TMEM232: variants seen among roughly 807,000 people sequenced by gnomAD.
The protein encoded by TMEM232 is transmembrane protein 232.
TMEM232 carries 80 observed loss-of-function variants against 78.8 expected under a neutral mutation model. That is an observed-to-expected ratio of 1.01 (90% CI 0.85 to 1.22). TMEM232 has a LOEUF of 1.22. TMEM232 is among the 50% of genes most tolerant of loss of function. The probability of loss-of-function intolerance (pLI) is 0.00; values close to 1 mark genes in which losing one functional copy is unlikely to be tolerated. For synonymous variants in TMEM232, 297 were observed against 254.3 expected, an observed-to-expected ratio of 1.17 and a Z score of -1.60; for missense variants, 881 against 742.2, an observed-to-expected ratio of 1.19 and a Z score of -2.17.
intron 2 of TMEM232, among the ~76,000 whole-genome samples, chr5:110,404,552 G>A (rs1755717165): frequency 6.6e-6 from 1 of 151,936 alleles, no homozygotes; most frequent in African/African-American, 2.4e-5. Context: ...GAACTTTTAT[G>A]GAAAAGAATA....
intron 1 of TMEM232, among the ~76,000 whole-genome samples, chr5:110,672,701 A>G (rs944574827): frequency 2.0e-5 from 3 of 152,190 alleles, no homozygotes; most frequent in African/African-American, 7.2e-5. Flanking sequence ...AAACATAGAG[A>G]ATCTGAAAAT....
At chr5:110,430,979 T>G (rs1339270678) in intron 12 of TMEM232, among the ~76,000 whole-genome samples, 1 of 151,716 alleles carries the variant, frequency 6.6e-6, no homozygotes, top group Non-Finnish European at 1.5e-5. Flanking sequence ...TCCTTTTATT[T>G]TATGGATTGA....
chr5:110,516,492 C>G (rs921429607), intron 12 of TMEM232, among the ~76,000 whole-genome samples: 8 of 152,066 alleles, frequency 5.3e-5, no homozygotes, highest in Admixed American at 1.3e-4. Flanking sequence ...GATCGTTTTA[C>G]TGACAAATAG....
In TMEM232 at chr5:110,606,629, C is replaced by T. The variant is rs372343389; in HGVS notation, c.903-342G>A. Among the ~76,000 whole-genome samples, 22 of 152,092 alleles carry T rather than the reference C, an allele frequency of 1.4e-4. No homozygotes were observed. The South Asian group carries it at 4.4e-3, about 30-fold the overall frequency. ...CTCACAATAGGTTTTAATGTTTAAC[C>T]TCTTGCAACTGATTCCACAAGGTGA... is the stretch of plus-strand genomic sequence containing the variant. On this transcript the variant is annotated intron_variant, in intron 8 of 13. Transcript: ENST00000455884.
intron 2 of TMEM232, among the ~76,000 whole-genome samples, chr5:110,643,931 G>A (rs977347439): frequency 3.3e-5 from 5 of 151,776 alleles, no homozygotes; most frequent in African/African-American, 1.2e-4. Flanking sequence ...TTTTTAAATG[G>A]GCAGTTAAAT....
intron 3 of TMEM232, among the ~76,000 whole-genome samples, chr5:110,394,394 A>T (rs1206221830): frequency 6.6e-6 from 1 of 152,174 alleles, no homozygotes; most frequent in Non-Finnish European, 1.5e-5. Context: ...GGCTATTGTG[A>T]ATAGTGCTGC....
intron 12 of TMEM232, among the ~76,000 whole-genome samples, chr5:110,458,908 T>C (rs1761182323): frequency 6.6e-6 from 1 of 152,218 alleles, no homozygotes. Context: ...TTGCACTTAA[T>C]ATCCAACATT....
intron 7 of TMEM232, among the ~76,000 whole-genome samples, chr5:110,624,716 G>C (rs1404183910): frequency 1.3e-5 from 2 of 152,000 alleles, no homozygotes; most frequent in Non-Finnish European, 2.9e-5. Context: ...ACAAATAGAT[G>C]TGTTGGAATT....
At chr5:110,661,916 A>G (rs184287273) in intron 2 of TMEM232, among the ~76,000 whole-genome samples, 31 of 152,158 alleles carry the variant, frequency 2.0e-4, no homozygotes, top group African/African-American at 7.5e-4. Flanking sequence ...GAATTTTTTC[A>G]TATATCTGTT....
chr5:110,394,531 A>G (rs1755317926), intron 3 of TMEM232, among the ~76,000 whole-genome samples: 1 of 152,198 alleles, frequency 6.6e-6, no homozygotes, highest in African/African-American at 2.4e-5. Flanking sequence ...TAGTGGTTGT[A>G]CTAATTTCCA....
rs149571270 is a variant in TMEM232 at position 110,438,973 on chromosome 5, T to G, written c.1704-14057A>C. 2.0e-5 allele frequency among the ~76,000 whole-genome samples: 3 copies of G among 152,128 alleles called. No individual in the cohort carries two copies. The East Asian group carries it at 5.8e-4, about 29-fold the overall frequency. On this transcript the variant is annotated intron_variant, in intron 12 of 13. Coordinates refer to ENST00000455884, the MANE Select transcript of TMEM232 (RefSeq NM_001039763.4). ...CATCTTAAAGCAGGAGGTTAAAAAA[T>G]AGATAATTTTCTGGGCACATAAATA...
chr5:110,392,442 G>T (rs1561451635), intron 3 of TMEM232, among the ~76,000 whole-genome samples: 1 of 152,178 alleles, frequency 6.6e-6, no homozygotes, highest in Non-Finnish European at 1.5e-5. Flanking sequence ...AGTCAGTTCA[G>T]GCTGTTATGA....
At chr5:110,698,186 GA>G (rs1229681584) in intron 1 of TMEM232, among the ~76,000 whole-genome samples, 2 of 151,184 alleles carry the variant, frequency 1.3e-5, no homozygotes, top group African/African-American at 4.9e-5. Context: ...CTATCACAAG[GA>G]AAAAAACCAA....
intron 11 of TMEM232, among the ~76,000 whole-genome samples, chr5:110,549,271 T>C (rs1581174971): frequency 6.6e-6 from 1 of 151,642 alleles, no homozygotes. Context: ...TAATATCACA[T>C]ATGAAAAAAA....
At chr5:110,438,491 C>T (rs933489462) in intron 12 of TMEM232, among the ~76,000 whole-genome samples, 4 of 152,020 alleles carry the variant, frequency 2.6e-5, no homozygotes, top group African/African-American at 9.6e-5. Context: ...GATTTGCCCT[C>T]CACTTAACAT....
At chr5:110,550,877 T>TAA (rs776156374) in intron 11 of TMEM232, among the ~76,000 whole-genome samples, 4 of 123,256 alleles carry the variant, frequency 3.2e-5, no homozygotes, top group Admixed American at 8.2e-5. Flanking sequence ...AATGTTACAG[T>TAA]AAAAAAAAAA....
chr5:110,575,652 C>T (rs1481629594), intron 10 of TMEM232, among the ~76,000 whole-genome samples: 1 of 151,888 alleles, frequency 6.6e-6, no homozygotes, highest in Admixed American at 6.6e-5. Flanking sequence ...CAACTCAACC[C>T]ATGGAGAATG....
intron 12 of TMEM232, among the ~76,000 whole-genome samples, chr5:110,525,487 A>G (rs1260325503): frequency 1.3e-5 from 2 of 152,006 alleles, no homozygotes; most frequent in African/African-American, 2.4e-5. Flanking sequence ...AATAAACATA[A>G]GAAAAATGCA....
intron 12 of TMEM232, among the ~76,000 whole-genome samples, chr5:110,500,735 A>G (rs1260117045): frequency 6.6e-6 from 1 of 152,204 alleles, no homozygotes; most frequent in Admixed American, 6.5e-5. Context: ...AATTTTCACA[A>G]TAAATATTTT....
Sources: allele counts gnomAD v4.1 joint callset (sites outside exome capture counted in the v4.1 genomes callset), GRCh38; gene constraint gnomAD v4.1.1; transcripts MANE v1.5; gene names NCBI Gene and HGNC (gene_info 2026-07-23, HGNC 2026-07-21).